Variants in PTCH1 observed in about 807,000 individuals in gnomAD.
PTCH1 encodes protein patched homolog 1.
A neutral mutation model predicts 144.6 loss-of-function variants in PTCH1; 14 were observed. The observed-to-expected ratio is 0.10, with a 90% CI of 0.06 to 0.15. The LOEUF is 0.15. Among genes scored for constraint, PTCH1 ranks in the 10% least tolerant of loss-of-function variants. PTCH1 has a pLI of 1.00. For missense variants in PTCH1, 1,623 were observed against 1,948.3 expected (o/e 0.83, Z 3.14); for synonymous variants, 833 against 793.6 (o/e 1.05, Z -0.83).
chr9:95,495,427 CT>C (rs112122458), intron 2 of PTCH1: 392 of 144,134 alleles, frequency 2.7e-3, no homozygotes, highest in Middle Eastern at 3.5e-3. Flanking sequence ...CCATGTGATT[CT>C]TTTTTTTTTT....
chr9:95,467,355 C>A lies in PTCH1; in HGVS notation c.2321G>T (p.Gly774Val), dbSNP rs2117970994. ...SLYGTTRVRD[G>V]LDLTDIVPRE... is the part of the protein sequence containing the mutation. ...AGGTACAATGTCCGTAAGGTCCAGC[C>A]CGTCTCTCACTCGGGTGGTGCCATA... The change falls in exon 15 of 24, where the codon GGG becomes GTG. Residue 774 changes from glycine (G) to valine (V), a missense_variant. Gly to Val is a moderately radical substitution (Grantham distance 109). Coordinates refer to ENST00000331920, the MANE Select transcript of PTCH1 (RefSeq NM_000264.5). The A allele has an allele frequency of 6.2e-7, 1 of 1,614,174 alleles. No individual in the cohort carries two copies. Among genetic ancestry groups the A allele is most frequent in the Non-Finnish European group, 8.5e-7 (1 of 1,180,042 alleles).
chr9:95,493,636 C>T (rs1842583504), intron 2 of PTCH1, among the ~76,000 whole-genome samples: 2 of 152,078 alleles, frequency 1.3e-5, no homozygotes, highest in African/African-American at 4.8e-5. Flanking sequence ...TTGATTAATC[C>T]CATGAATTAT....
chr9:95,516,744 G>C (rs1202697118), exon 1 of PTCH1: 14 of 1,613,044 alleles, frequency 8.7e-6, no homozygotes, highest in Non-Finnish European at 1.2e-5. Context: ...ACCCCGGCGC[G>C]CTGGGCCGCC....
intron 16 of PTCH1, among the ~76,000 whole-genome samples, chr9:95,460,737 C>G (rs1839385034): frequency 6.6e-6 from 1 of 152,158 alleles, no homozygotes; most frequent in Non-Finnish European, 1.5e-5. Flanking sequence ...ATGCAGCACG[C>G]CTTTCTCCCT....
rs1841171380 is a variant in PTCH1 at position 95,477,709 on chromosome 9, G to A, written c.1348-7C>T. Reference sequence around the variant, plus strand: ...TTAGACAGGCATAGGCGAGCTGCAAGCAGAACAATGGGGGCACAGAACAAA... The same window carrying A: ...TTAGACAGGCATAGGCGAGCTGCAAACAGAACAATGGGGGCACAGAACAAA... On this transcript the variant is annotated splice_region_variant and splice_polypyrimidine_tract_variant and intron_variant, in intron 9 of 23. Transcript: ENST00000331920. 1.2e-6 allele frequency: 2 copies of A among 1,613,954 alleles called. No individual in the cohort carries two copies. The highest frequency in any genetic ancestry group is 1.3e-5 in the African/African-American group (1 of 74,922).
At position 95,469,056 on chromosome 9, in the gene PTCH1, T is replaced by C. The variant is rs375049109; in HGVS notation, c.1945A>G (p.Ser649Gly). ...YSPPPPYSSH[S>G]FAHETQITMQ... ...GTAATCTGCGTTTCATGGGCAAAGCTGTGGCTGCTGTAGGGAGGTGGGGGG... is the reference window on the plus strand; with the variant it reads ...GTAATCTGCGTTTCATGGGCAAAGCCGTGGCTGCTGTAGGGAGGTGGGGGG... Residue 649 changes from serine (S) to glycine (G), a missense_variant, in exon 14 of 24, where the codon AGC becomes GGC. Around this residue, in one of 7 missense-constraint regions of PTCH1, gnomAD observed 179 missense variants for 165.7 expected, o/e 1.08. Transcript: ENST00000331920. The C allele has an allele frequency of 4.0e-5, 64 of 1,613,816 alleles. No homozygotes were observed. Among genetic ancestry groups the C allele is most frequent in the Non-Finnish European group, 5.4e-5 (64 of 1,180,012 alleles).
rs1250426680 is a variant in PTCH1 at position 95,467,287 on chromosome 9, A to G, written c.2389T>C (p.Tyr797His). 7 of 1,614,118 alleles carry G rather than the reference A, an allele frequency of 4.3e-6. No individual in the cohort carries two copies. The South Asian group carries it at 6.6e-5, about 15-fold the overall frequency. The part of the protein sequence containing the change: ...EYDFIAAQFK[Y>H]FSFYNMYIVT... ...ATATACATGTTGTAGAAAGAAAAGT[A>G]TTTGAATTGTGCAGCAATAAAGTCA... The change falls in exon 15 of 24, where the codon TAC becomes CAC. Residue 797 changes from tyrosine (Y) to histidine (H), a missense_variant. Around this residue, in one of 7 missense-constraint regions of PTCH1, gnomAD observed 504 missense variants for 679.3 expected, o/e 0.74. Transcript: ENST00000331920.
intron 2 of PTCH1, among the ~76,000 whole-genome samples, chr9:95,486,955 A>G (rs1262759782): frequency 6.6e-6 from 1 of 152,174 alleles, no homozygotes; most frequent in Admixed American, 6.5e-5. Context: ...TGTTGACTGA[A>G]AAGCAGGCCT....
Position 95,486,278 on chromosome 9 carries a change from C to T in PTCH1, c.395-404G>A, listed in dbSNP as rs979380630. 2.0e-5 allele frequency among the ~76,000 whole-genome samples: 3 copies of T among 152,264 alleles called. 1 individual carries two copies. The highest frequency in any genetic ancestry group is 7.2e-5 in the African/African-American group (3 of 41,468). On this transcript the variant is annotated intron_variant, in intron 2 of 23. Transcript: ENST00000331920. ...AAGATAAATGGCTTCAATTTACACT[C>T]TTCTCCTAAGTAAACTGGCAAAGGT... is the stretch of plus-strand genomic sequence containing the variant.
At chr9:95,516,479 C>G (rs772457145) in exon 1 of PTCH1, 8 of 1,526,208 alleles carry the variant, frequency 5.2e-6, no homozygotes, top group South Asian at 1.2e-5. Context: ...CATAGCCGGC[C>G]GTCAACCCCT....
intron 20 of PTCH1, chr9:95,450,228 GTTAT>G: frequency 6.6e-6 from 3 of 452,830 alleles, no homozygotes; most frequent in Non-Finnish European, 8.2e-6. Flanking sequence ...GGCATGTAAT[GTTAT>G]TTATGAATGT....
chr9:95,508,068 A>C, intron 1 of PTCH1, 93 bp downstream of exon 1: 1 of 1,574,176 alleles, frequency 6.4e-7, no homozygotes, highest in Non-Finnish European at 8.6e-7. Flanking sequence ...TGAGAGAGAG[A>C]GGAAGAGAGT....
At chr9:95,503,734 G>GATAATAATAGCTATTTTATTGAGTCGTAA (rs1564083648) in intron 2 of PTCH1, among the ~76,000 whole-genome samples, 8 of 60,034 alleles carry the variant, frequency 1.3e-4, no homozygotes, top group African/African-American at 3.7e-4. Flanking sequence ...AAACAAAATA[G>GATAATAATAGCTATTTTATTGAGTCGTAA]GGCCGGGCGC....
intron 9 of PTCH1, among the ~76,000 whole-genome samples, 167 bp downstream of exon 9, chr9:95,477,885 GAAA>G (rs1230689585): frequency 6.6e-6 from 1 of 152,210 alleles, no homozygotes; most frequent in Admixed American, 6.5e-5. Flanking sequence ...CGGCAAATGG[GAAA>G]AATGCTTTAC....
chr9:95,494,864 A>G (rs1333721874), intron 2 of PTCH1: 4 of 152,436 alleles, frequency 2.6e-5, no homozygotes, highest in Non-Finnish European at 5.9e-5. Flanking sequence ...GGCATTGCAT[A>G]ACATTAACCC....
In PTCH1 at chr9:95,459,272, C is replaced by T. The variant is rs76750014; in HGVS notation, c.2887+328G>A. Among the ~76,000 whole-genome samples the T allele has an allele frequency of 8.7e-4, 133 of 152,306 alleles. 1 individual carries two copies. The East Asian group carries it at 0.024, about 28-fold the overall frequency. On this transcript the variant is annotated intron_variant, in intron 17 of 23. Transcript: ENST00000331920. ...AAACATATAATCCCCAGCGATAAAA[C>T]TCTGCAATAGTAAAATAACACTTAA...
intron 9 of PTCH1, 30 bp from the exon 10 acceptor site, chr9:95,477,732 A>G (rs760923150): frequency 6.2e-7 from 1 of 1,613,202 alleles, no homozygotes; most frequent in South Asian, 1.1e-5. Context: ...GGCACAGAAC[A>G]AAAGCCGAAC....
rs1174280665 is a variant in PTCH1, at chr9:95,460,850, G to A, written c.2703+1006C>T. Among the ~76,000 whole-genome samples the A allele has an allele frequency of 1.2e-4, 19 of 152,298 alleles. No individual in the cohort carries two copies. In the East Asian group the frequency reaches 3.7e-3, roughly 29 times the overall value. On this transcript the variant is annotated intron_variant, in intron 16 of 23. Coordinates refer to ENST00000331920, the MANE Select transcript of PTCH1 (RefSeq NM_000264.5). ...CCTGCTGCCTGGGCACTTTCCTGGT[G>A]TCTCTGAGGCAGACTCCTCTGCCTG...
At chr9:95,474,848 T>C (rs985968827) in intron 12 of PTCH1, among the ~76,000 whole-genome samples, 43 of 152,268 alleles carry the variant, frequency 2.8e-4, no homozygotes, top group Non-Finnish European at 5.3e-4. Flanking sequence ...CTGCAGGAAC[T>C]CTTGGTGAGT....
Sources: gnomAD v4.1 joint callset for allele counts (sites outside exome capture counted in the v4.1 genomes callset) on GRCh38, gnomAD v4.1.1 for gene constraint, gnomAD v4.1.1 regional missense constraint, MANE v1.5 for transcripts, NCBI Gene and HGNC (gene_info 2026-07-23, HGNC 2026-07-21) for gene names.